Variants in CD244 observed in about 807,000 individuals in gnomAD.
CD244 encodes the protein CD244 molecule, also known as natural killer cell receptor 2B4.
In CD244, 20 loss-of-function variants were observed where a neutral mutation model predicts 45.5. The ratio of observed to expected loss-of-function variants is 0.44; its 90% CI spans 0.31 to 0.64. The LOEUF is 0.64. Among genes scored for constraint, CD244 ranks in the 30% least tolerant of loss-of-function variants. The pLI is 0.08. For synonymous variants in CD244, 185 were observed against 160.5 expected (o/e 1.15, Z -1.15); for missense variants, 407 against 426.9 (o/e 0.95, Z 0.41).
chr1:160,843,222 A>G (rs186531482), intron 1 of CD244, among the ~76,000 whole-genome samples: 1 of 152,348 alleles, frequency 6.6e-6, no homozygotes, highest in African/African-American at 2.4e-5. Flanking sequence ...AGACTAAAAC[A>G]CATAGGTTCC....
Position 160,835,470 on chromosome 1 carries a change from G to A in CD244, c.894+725C>T, listed in dbSNP as rs1299958892. Among the ~76,000 whole-genome samples the A allele has an allele frequency of 2.0e-5, 3 of 152,102 alleles. No homozygotes were observed. The East Asian group carries it at 5.8e-4, about 29-fold the overall frequency. ...GAGATTTAGTAAGAAAATACAGCTGGGTGCAGTGGTACACACCTGCAGACC... is the reference window on the plus strand; with the variant it reads ...GAGATTTAGTAAGAAAATACAGCTGAGTGCAGTGGTACACACCTGCAGACC... On this transcript the variant is annotated intron_variant, in intron 6 of 8. Coordinates refer to ENST00000368034, the MANE Select transcript of CD244 (RefSeq NM_016382.4).
chr1:160,841,415 C>A lies in CD244; in HGVS notation c.450G>T (p.Leu150=), dbSNP rs1669536892. 2 of 1,614,250 alleles carry A rather than the reference C, an allele frequency of 1.2e-6. No homozygotes were observed. The highest frequency in any genetic ancestry group is 1.7e-6 in the Non-Finnish European group (2 of 1,180,054). ...TGCCATCCCTGGAGACCAAGCAAGA[C>A]AGAGCCACTTGGCATCTCCCTCTGT... ...ILDRGRCQVA[L]SCLVSRDGNV... Residue 150 remains leucine (L), a synonymous_variant, in exon 3 of 9, where the codon CTG becomes CTT. Transcript: ENST00000368034.
intron 1 of CD244, among the ~76,000 whole-genome samples, chr1:160,852,638 G>A (rs893486080): frequency 1.9e-4 from 29 of 152,292 alleles, no homozygotes; most frequent in Admixed American, 5.9e-4. Context: ...TAGTGAGAGT[G>A]TAAATTGGTA....
intron 1 of CD244, among the ~76,000 whole-genome samples, chr1:160,852,795 G>A (rs1420472386): frequency 6.6e-6 from 1 of 151,994 alleles, no homozygotes; most frequent in African/African-American, 2.4e-5. Flanking sequence ...GGTCGAGGCA[G>A]GCGGATCACC....
chr1:160,835,328 A>G (rs78714351), intron 6 of CD244, among the ~76,000 whole-genome samples: 2,500 of 152,312 alleles, frequency 0.016, 23 homozygotes, highest in Middle Eastern at 0.041. Flanking sequence ...CAGCTCTGCC[A>G]CTACCTAGCT....
intron 1 of CD244, among the ~76,000 whole-genome samples, chr1:160,852,852 A>G (rs553709087): frequency 3.3e-5 from 5 of 152,062 alleles, no homozygotes; most frequent in Admixed American, 3.3e-4. Flanking sequence ...GTGAAACCCC[A>G]TCTCAAAAAA....
At position 160,850,355 on chromosome 1, in the gene CD244, T is replaced by A. The variant is rs994495091; in HGVS notation, c.62-8454A>T. ...AATAAACAGGAGACTATACCATGGT[T>A]TTTATTGGAAGACTTAATATTGCTA... On this transcript the variant is annotated intron_variant, in intron 1 of 8. Coordinates refer to ENST00000368034, the MANE Select transcript of CD244 (RefSeq NM_016382.4). Among the ~76,000 whole-genome samples the A allele has an allele frequency of 5.9e-5, 9 of 152,118 alleles. 1 individual carries two copies. The highest frequency in any genetic ancestry group is 5.2e-4 in the Admixed American group (8 of 15,274).
chr1:160,850,293 T>G (rs1302894676), intron 1 of CD244, among the ~76,000 whole-genome samples: 2 of 152,094 alleles, frequency 1.3e-5, no homozygotes, highest in Non-Finnish European at 1.5e-5. Context: ...ATACACCTAT[T>G]GCAACAAAAG....
At chr1:160,855,981 G>A (rs1385679364) in intron 1 of CD244, among the ~76,000 whole-genome samples, 1 of 152,186 alleles carries the variant, frequency 6.6e-6, no homozygotes, top group Non-Finnish European at 1.5e-5. Flanking sequence ...GAAGGTGTGG[G>A]GCCTGAGCAC....
Position 160,859,070 on chromosome 1 carries a change from T to C in CD244, c.61+3547A>G, listed in dbSNP as rs186976316. 2.0e-5 allele frequency among the ~76,000 whole-genome samples: 3 copies of C among 151,766 alleles called. No homozygotes were observed. The East Asian group carries it at 5.8e-4, about 29-fold the overall frequency. On this transcript the variant is annotated intron_variant, in intron 1 of 8. Transcript: ENST00000368034. Reference sequence around the variant, plus strand: ...ATGAGGACTATGGAGAAAAATTAAGTGGAGAGAGAGCTAAGAGTTTGCAGA... The same window carrying C: ...ATGAGGACTATGGAGAAAAATTAAGCGGAGAGAGAGCTAAGAGTTTGCAGA...
chr1:160,855,162 A>G (rs918673738), intron 1 of CD244, among the ~76,000 whole-genome samples: 5 of 152,248 alleles, frequency 3.3e-5, no homozygotes, highest in Non-Finnish European at 7.4e-5. Flanking sequence ...TTTCTTAAAG[A>G]AGGAGGTTGT....
chr1:160,848,078 C>T (rs1669796441), intron 1 of CD244: 3 of 378,200 alleles, frequency 7.9e-6, no homozygotes, highest in South Asian at 6.2e-5. Flanking sequence ...CTCCTTGGAG[C>T]TGTTTGCACA....
intron 1 of CD244, among the ~76,000 whole-genome samples, chr1:160,846,652 T>C (rs1669751434): frequency 6.6e-6 from 1 of 152,158 alleles, no homozygotes; most frequent in Non-Finnish European, 1.5e-5. Flanking sequence ...GGTGACAAAG[T>C]GAGACTGTCT....
In CD244 at chr1:160,831,062, A is replaced by G. The variant is rs12145141; in HGVS notation, c.*285T>C. The G allele has an allele frequency of 3.3e-3, 992 of 300,396 alleles. 2 individuals are homozygous for G. Among genetic ancestry groups the G allele is most frequent in the Middle Eastern group, 5.2e-3 (5 of 956 alleles). The allele number at this position is 300,396 out of a possible 1,614,324, so 18.6% of individuals were successfully genotyped here. On this transcript the variant is annotated 3_prime_UTR_variant, in exon 9 of 9. Transcript: ENST00000368034. ...TCTCGATGCTAATAACATCACTTAC[A>G]TAACACTTTCTAGATTACAAATACT...
chr1:160,856,062 T>C (rs946129544), intron 1 of CD244, among the ~76,000 whole-genome samples: 3 of 151,996 alleles, frequency 2.0e-5, no homozygotes, highest in African/African-American at 7.3e-5. Flanking sequence ...GATGTTAAGG[T>C]TTTCTCAGCT....
At chr1:160,849,352 G>T (rs1369993938) in intron 1 of CD244, among the ~76,000 whole-genome samples, 6 of 149,316 alleles carry the variant, frequency 4.0e-5, no homozygotes, top group Non-Finnish European at 8.9e-5. Context: ...TGTTACGTAG[G>T]TATACGTGTG....
At chr1:160,842,937 A>G (rs547700121) in intron 1 of CD244, among the ~76,000 whole-genome samples, 1 of 152,328 alleles carries the variant, frequency 6.6e-6, no homozygotes, top group South Asian at 2.1e-4. Flanking sequence ...AGGAAATTAA[A>G]AAGTCTCTCT....
In CD244 at chr1:160,830,372, C is replaced by A. The variant is rs890716153; in HGVS notation, c.*975G>T. On this transcript the variant is annotated 3_prime_UTR_variant, in exon 9 of 9. Transcript: ENST00000368034. ...CTCAGCCAGAGTCACAGCCCTGCTC[C>A]CCACAGCCTTGTTGAAATGTCTGGC... 3.3e-5 allele frequency: 5 copies of A among 152,398 alleles called. No homozygotes were observed. Among genetic ancestry groups the A allele is most frequent in the African/African-American group, 1.2e-4 (5 of 41,430 alleles). 9.4% of individuals were successfully genotyped at this position (152,398 alleles called of 1,614,324 possible). A position where few individuals can be genotyped will look rare whatever the true frequency, so the allele number is the denominator to read the frequency against.
At chr1:160,859,769 G>T (rs550949372) in intron 1 of CD244, among the ~76,000 whole-genome samples, 1 of 149,322 alleles carries the variant, frequency 6.7e-6, no homozygotes, top group Non-Finnish European at 1.5e-5. Flanking sequence ...AATTAGCCAG[G>T]CATGGTGGCA....
Sources: gnomAD v4.1 joint callset for allele counts (sites outside exome capture counted in the v4.1 genomes callset) on GRCh38, gnomAD v4.1.1 for gene constraint, MANE v1.5 for transcripts, NCBI Gene and HGNC (gene_info 2026-07-23, HGNC 2026-07-21) for gene names.